Variants in SGCZ observed in about 807,000 individuals in gnomAD.
SGCZ encodes the protein sarcoglycan zeta.
In SGCZ, 40 loss-of-function variants were observed where a neutral mutation model predicts 41.3. The ratio of observed to expected loss-of-function variants is 0.97; its 90% confidence interval spans 0.75 to 1.26. SGCZ has a LOEUF of 1.26. Among genes scored for constraint, SGCZ ranks in the 50% most tolerant of loss-of-function variants. The pLI is 0.00. For synonymous variants in SGCZ, 206 were observed against 137.5 expected, an observed-to-expected ratio of 1.50 and a Z score of -3.49; for missense variants, 552 against 369.8, an observed-to-expected ratio of 1.49 and a Z score of -4.04.
chr8:14,370,886 T>C (rs1286369191), intron 2 of SGCZ, among the ~76,000 whole-genome samples: 4 of 152,014 alleles, frequency 2.6e-5, no homozygotes, highest in South Asian at 2.1e-4. Context: ...GACTGTGTAA[T>C]ACAAATGCAA....
intron 2 of SGCZ, among the ~76,000 whole-genome samples, chr8:14,519,236 T>C (rs1802716200): frequency 6.6e-6 from 1 of 152,108 alleles, no homozygotes; most frequent in Admixed American, 6.6e-5. Flanking sequence ...GAAGCTGTTT[T>C]CTTAAACCTT....
intron 2 of SGCZ, among the ~76,000 whole-genome samples, chr8:14,379,678 T>C (rs1242566488): frequency 6.6e-6 from 1 of 152,090 alleles, no homozygotes; most frequent in Non-Finnish European, 1.5e-5. Flanking sequence ...GATTTAAAAC[T>C]ACAAGGATTG....
intron 1 of SGCZ, among the ~76,000 whole-genome samples, chr8:14,566,909 C>T (rs948353346): frequency 6.6e-6 from 1 of 152,174 alleles, no homozygotes; most frequent in African/African-American, 2.4e-5. Flanking sequence ...CTCGGCAGGC[C>T]CCACACTCAG....
chr8:15,233,008 T>G lies in SGCZ; in HGVS notation c.39+4577A>C, dbSNP rs1244566099. Among the ~76,000 whole-genome samples the G allele has an allele frequency of 2.6e-5, 4 of 151,860 alleles. No homozygotes were observed. The South Asian group carries it at 6.2e-4, about 24-fold the overall frequency. ...TGATATTAATTTTTCAAATTAAGGT[T>G]ACCTGTTTCTAAGTCTTTGTGACTA... is the stretch of plus-strand genomic sequence containing the variant. On this transcript the variant is annotated intron_variant, in intron 1 of 7. Transcript: ENST00000382080.
At chr8:14,199,064 G>C (rs1234104101) in intron 4 of SGCZ, among the ~76,000 whole-genome samples, 1 of 152,176 alleles carries the variant, frequency 6.6e-6, no homozygotes, top group Non-Finnish European at 1.5e-5. Context: ...AATGTTCAGG[G>C]AACAAGGGAG....
At chr8:15,190,369 T>TCATTCATTC (rs1460776311) in intron 1 of SGCZ, among the ~76,000 whole-genome samples, 1 of 115,240 alleles carries the variant, frequency 8.7e-6, no homozygotes, top group Non-Finnish European at 2.1e-5. Context: ...TTCATTCATC[T>TCATTCATTC]ATTATGTATT....
In SGCZ at chr8:15,138,917, T is replaced by C. The variant is rs116445735; in HGVS notation, c.39+98668A>G. Among the ~76,000 whole-genome samples the C allele has an allele frequency of 4.0e-3, 611 of 152,308 alleles. 6 individuals are homozygous for C. Among genetic ancestry groups the C allele is most frequent in the African/African-American group, 0.014 (589 of 41,570 alleles). On this transcript the variant is annotated intron_variant, in intron 1 of 7. Coordinates refer to ENST00000382080, the MANE Select transcript of SGCZ (RefSeq NM_139167.4). The stretch of plus-strand genomic sequence containing the variant: ...AAAGGGAAAAGCAAAATGTAAATCA[T>C]ATGATAAAGAAATGCCAACGAGAAA...
chr8:14,687,167 A>AT, intron 1 of SGCZ, among the ~76,000 whole-genome samples: 1 of 138,794 alleles, frequency 7.2e-6, no homozygotes, highest in Non-Finnish European at 1.6e-5. Flanking sequence ...TTAAAGAAAA[A>AT]AAAAATATAT....
At position 14,393,462 on chromosome 8, in the gene SGCZ, A is replaced by G. The variant is rs1804858707; in HGVS notation, c.235-69258T>C. 2.0e-5 allele frequency among the ~76,000 whole-genome samples: 3 copies of G among 152,164 alleles called. No individual in the cohort carries two copies. The South Asian group carries it at 6.2e-4, about 32-fold the overall frequency. Reference sequence around the variant, plus strand: ...GATCAACTGGAAAGCCAATTTACATAATAAGATTACGGTGGGGCGACCAAC... The same window carrying G: ...GATCAACTGGAAAGCCAATTTACATGATAAGATTACGGTGGGGCGACCAAC... On this transcript the variant is annotated intron_variant, in intron 2 of 7. Transcript: ENST00000382080.
At chr8:15,234,776 TTGTTAA>T (rs1021132471) in intron 1 of SGCZ, among the ~76,000 whole-genome samples, 4 of 152,146 alleles carry the variant, frequency 2.6e-5, no homozygotes, top group African/African-American at 9.7e-5. Flanking sequence ...AAAAAAATTG[TTGTTAA>T]AATCTCAAAG....
At chr8:14,656,413 TC>T (rs148308600) in intron 1 of SGCZ, among the ~76,000 whole-genome samples, 13,407 of 121,728 alleles carry the variant, frequency 0.11, 1,102 homozygotes, top group East Asian at 0.37. Flanking sequence ...CCTCCTCTCC[TC>T]TCCTTCCTTC....
chr8:14,889,228 AT>A (rs1035691436), intron 1 of SGCZ, among the ~76,000 whole-genome samples: 3 of 151,732 alleles, frequency 2.0e-5, no homozygotes, highest in Non-Finnish European at 4.4e-5. Context: ...GCAAGAAACT[AT>A]TTTTGAATTC....
intron 1 of SGCZ, among the ~76,000 whole-genome samples, chr8:15,123,028 T>C (rs1807545429): frequency 6.6e-6 from 1 of 152,184 alleles, no homozygotes; most frequent in Non-Finnish European, 1.5e-5. Flanking sequence ...AAAACTTACT[T>C]GCAGATATTT....
At chr8:14,905,387 C>T (rs7386446) in intron 1 of SGCZ, among the ~76,000 whole-genome samples, 150,321 of 152,134 alleles carry the variant, frequency 0.99, 74,299 homozygotes, top group Middle Eastern at 1. Flanking sequence ...GACATGACAT[C>T]ACACCGCTTT....
At chr8:14,780,724 GTTTTT>G (rs954315888) in intron 1 of SGCZ, among the ~76,000 whole-genome samples, 1 of 152,034 alleles carries the variant, frequency 6.6e-6, no homozygotes, top group Non-Finnish European at 1.5e-5. Context: ...GACTGATTTT[GTTTTT>G]TAACATGGGT....
At chr8:14,118,293 G>A (rs1455147616) in intron 5 of SGCZ, among the ~76,000 whole-genome samples, 1 of 152,124 alleles carries the variant, frequency 6.6e-6, no homozygotes, top group South Asian at 2.1e-4. Context: ...GATTGAGGTG[G>A]TTTTGATTTG....
chr8:14,490,962 G>C (rs145224071), intron 2 of SGCZ, among the ~76,000 whole-genome samples: 1 of 152,072 alleles, frequency 6.6e-6, no homozygotes, highest in African/African-American at 2.4e-5. Flanking sequence ...TTTATATACC[G>C]ATATTCATCA....
At chr8:14,774,992 G>GA (rs1378599632) in intron 1 of SGCZ, among the ~76,000 whole-genome samples, 7 of 151,822 alleles carry the variant, frequency 4.6e-5, no homozygotes, top group South Asian at 2.1e-4. Context: ...CCACATAAAG[G>GA]AAAAAAATGC....
chr8:14,537,916 C>T (rs559730320), intron 2 of SGCZ, among the ~76,000 whole-genome samples: 2 of 151,838 alleles, frequency 1.3e-5, no homozygotes, highest in African/African-American at 4.8e-5. Context: ...CCCTCTATCT[C>T]CAGGTACAAC....
Sources: allele counts gnomAD v4.1 joint callset (sites outside exome capture counted in the v4.1 genomes callset), GRCh38; gene constraint gnomAD v4.1.1; transcripts MANE v1.5; gene names NCBI Gene and HGNC (gene_info 2026-07-23, HGNC 2026-07-21).